Variants in CAMKK1 observed in about 807,000 individuals in gnomAD.
The protein encoded by CAMKK1 is calcium/calmodulin dependent protein kinase kinase 1.
Under a neutral mutation model 63.5 loss-of-function variants are expected in CAMKK1, and 20 were observed. The ratio of observed to expected loss-of-function variants is 0.32; its 90% CI spans 0.22 to 0.46. CAMKK1 has a LOEUF of 0.46. Ranked by LOEUF, CAMKK1 falls within the 20% of genes least tolerant of loss-of-function variation. The pLI is 1.00. For synonymous variants in CAMKK1, 253 were observed against 269.0 expected (o/e 0.94, Z 0.58); for missense variants, 588 against 658.1 (o/e 0.89, Z 1.17).
chr17:3,887,642 A>T lies in CAMKK1; in HGVS notation c.-43-1912T>A, dbSNP rs982039431. ...TGGCACAGGGAGGCCTCCCTGGAGGAGGTGAGAGAGGACAGAGAGTGGGGC... is the reference window on the plus strand; with the variant it reads ...TGGCACAGGGAGGCCTCCCTGGAGGTGGTGAGAGAGGACAGAGAGTGGGGC... On this transcript the variant is annotated intron_variant, in intron 1 of 15. Transcript: ENST00000348335. The surrounding 1 kb of genome is among the most constrained non-coding windows in gnomAD (Gnocchi z 6.1). Among the ~76,000 whole-genome samples the T allele has an allele frequency of 2.7e-5, 4 of 150,750 alleles. No individual in the cohort carries two copies. Among genetic ancestry groups the T allele is most frequent in the Middle Eastern group, 3.2e-3 (1 of 314 alleles).
intron 9 of CAMKK1, among the ~76,000 whole-genome samples, chr17:3,878,470 G>A (rs9914305): frequency 0.35 from 53,066 of 152,134 alleles, 10,793 homozygotes; most frequent in South Asian, 0.62. Context: ...ACTACAACAG[G>A]AAGGAGGTGG....
intron 14 of CAMKK1, among the ~76,000 whole-genome samples, chr17:3,867,619 C>T (rs1367370329): frequency 6.6e-6 from 1 of 152,040 alleles, no homozygotes; most frequent in Admixed American, 6.5e-5. Flanking sequence ...ATGGGGACCC[C>T]GTGGGAGTTG....
intron 14 of CAMKK1, among the ~76,000 whole-genome samples, chr17:3,867,263 C>A (rs2054566501): frequency 6.6e-6 from 1 of 152,132 alleles, no homozygotes; most frequent in South Asian, 2.1e-4. Flanking sequence ...GGGTGGGACT[C>A]CCCGGGCAGA....
Position 3,873,451 on chromosome 17 carries a change from T to A in CAMKK1, c.1008A>T (p.Val336=). ...AGTACAACGTGACGCCAGTGGCCCATACATCCAAGGCCTGGAAAGAAACAT... is the reference window on the plus strand; with the variant it reads ...AGTACAACGTGACGCCAGTGGCCCAAACATCCAAGGCCTGGAAAGAAACAT... ...GQSFSGKALD[V]WATGVTLYCF... The change falls in exon 11 of 16, where the codon GTA becomes GTT. Residue 336 remains valine (V), a synonymous_variant. Transcript: ENST00000348335. 1 of 1,614,046 alleles carries A rather than the reference T, an allele frequency of 6.2e-7. No homozygotes were observed. Among genetic ancestry groups the A allele is most frequent in the South Asian group, 1.1e-5 (1 of 91,078 alleles).
At chr17:3,871,652 G>A (rs1322773641) in intron 12 of CAMKK1, among the ~76,000 whole-genome samples, 12 of 146,986 alleles carry the variant, frequency 8.2e-5, no homozygotes, top group East Asian at 4.0e-4. Context: ...CGCCGCACCC[G>A]GCCTTATTCA....
intron 10 of CAMKK1, 95 bp from the exon 11 acceptor site, chr17:3,873,557 T>C (rs2143829965): frequency 8.4e-7 from 1 of 1,196,966 alleles, no homozygotes; most frequent in Non-Finnish European, 1.2e-6. Context: ...GCAGGGAACC[T>C]CTTTCCTCTG....
intron 2 of CAMKK1, among the ~76,000 whole-genome samples, chr17:3,885,078 A>C (rs1358032211): frequency 6.6e-6 from 1 of 152,116 alleles, no homozygotes; most frequent in Non-Finnish European, 1.5e-5. Context: ...TACATAGGGG[A>C]CCAGGGAGAG....
intron 14 of CAMKK1, among the ~76,000 whole-genome samples, chr17:3,868,147 GCGCCGTCT>G (rs2054633797): frequency 4.2e-4 from 10 of 23,654 alleles, no homozygotes; most frequent in Admixed American, 6.5e-4. Flanking sequence ...GGAGAAGCAG[GCGCCGTCT>G]AACTGATACG....
rs147240137 is a variant in CAMKK1, at chr17:3,869,831, G to C, written c.1182C>G (p.Pro394=). The C allele has an allele frequency of 5.5e-5, 89 of 1,614,194 alleles. 2 individuals carry two copies. The African/African-American group carries it at 7.1e-4, about 13-fold the overall frequency. The change falls in exon 13 of 16, where the codon CCC becomes CCG. Residue 394 remains proline, a synonymous_variant. Coordinates refer to ENST00000348335, the MANE Select transcript of CAMKK1 (RefSeq NM_032294.3). ...TGTCTGGCACCCCAATTCTCGTCTC[G>C]GGATTCTTGTCTAACATCTTCAGGA... The part of the protein sequence containing the change: ...DLILKMLDKN[P]ETRIGVPDIK...
intron 9 of CAMKK1, among the ~76,000 whole-genome samples, chr17:3,877,195 A>C (rs775485816): frequency 8.5e-5 from 13 of 152,160 alleles, no homozygotes; most frequent in Admixed American, 2.0e-4. Context: ...TGGGACTGAG[A>C]GTAAGATTGT....
chr17:3,860,734 A>C lies in CAMKK1; in HGVS notation c.*1477T>G, dbSNP rs941067934. 2.6e-5 allele frequency: 4 copies of C among 152,270 alleles called. No homozygotes were observed. Among genetic ancestry groups the C allele is most frequent in the African/African-American group, 9.6e-5 (4 of 41,464 alleles). The allele number at this position is 152,270 out of a possible 1,614,324, so 9.4% of individuals were successfully genotyped here. A position where few individuals can be genotyped will look rare whatever the true frequency, so the allele number is the denominator to read the frequency against. On this transcript the variant is annotated 3_prime_UTR_variant, in exon 16 of 16. Coordinates refer to ENST00000348335, the MANE Select transcript of CAMKK1 (RefSeq NM_032294.3). ...GGCTCCTAGCCTTAAATAGACGTAG[A>C]AACTGTATTACAGATGCATGTACCA...
chr17:3,878,585 C>T (rs2055271021), intron 9 of CAMKK1, among the ~76,000 whole-genome samples: 1 of 152,130 alleles, frequency 6.6e-6, no homozygotes, highest in South Asian at 2.1e-4. Flanking sequence ...TCTGCAAAGC[C>T]CTCCCCTCTG....
At chr17:3,880,279 G>T in intron 9 of CAMKK1, 67 bp downstream of exon 9, 3 of 1,369,420 alleles carry the variant, frequency 2.2e-6, no homozygotes, top group Non-Finnish European at 3.1e-6. Context: ...AGTCTGCTCA[G>T]CCTGGGCTCT....
intron 11 of CAMKK1, 25 bp downstream of exon 11, chr17:3,873,384 C>A: frequency 6.2e-7 from 1 of 1,612,436 alleles, no homozygotes; most frequent in Non-Finnish European, 8.5e-7. Flanking sequence ...CCCGCCCCAG[C>A]TCTGCTGGCA....
At chr17:3,879,000 G>T in intron 9 of CAMKK1, 1 of 152,184 alleles carries the variant, frequency 6.6e-6, no homozygotes, top group Non-Finnish European at 1.5e-5. Flanking sequence ...TTGTAGTAGA[G>T]ACAGGCTTTT....
chr17:3,884,538 C>G lies in CAMKK1; in HGVS notation c.361-111G>C. Reference sequence around the variant, plus strand: ...GGCCATAAGCTCCTCATTCCCGGACCCCCAGGTCTCACCAAGCTTTTGAGT... The same window carrying G: ...GGCCATAAGCTCCTCATTCCCGGACGCCCAGGTCTCACCAAGCTTTTGAGT... On this transcript the variant is annotated intron_variant, in intron 2 of 15. Transcript: ENST00000348335. The surrounding 1 kb of genome is among the most constrained non-coding windows in gnomAD (Gnocchi z 4.5). The G allele has an allele frequency of 7.2e-6, 7 of 965,636 alleles. No individual in the cohort carries two copies. The highest frequency in any genetic ancestry group is 9.2e-6 in the Non-Finnish European group (6 of 651,664). The allele number at this position is 965,636 out of a possible 1,614,324, so 59.8% of individuals were successfully genotyped here.
intron 1 of CAMKK1, among the ~76,000 whole-genome samples, chr17:3,891,725 G>A (rs1341747857): frequency 6.6e-6 from 1 of 152,182 alleles, no homozygotes; most frequent in African/African-American, 2.4e-5. Context: ...TCTCTTCTGA[G>A]CACTGAGCAG....
At position 3,865,913 on chromosome 17, in the gene CAMKK1, T is replaced by C. The variant is rs2054501099; in HGVS notation, c.1440A>G (p.Leu480=). 1 of 1,613,902 alleles carries C rather than the reference T, an allele frequency of 6.2e-7. No homozygotes were observed. The highest frequency in any genetic ancestry group is 1.3e-5 in the African/African-American group (1 of 74,874). ...CCTGGCCCACCAGTACTTACACCAG[T>C]AGGTTTCCTGGAGCAGACATGGATC... ...EERSMSAPGN[L]LVKEGFGEGG... The change falls in exon 15 of 16, where the codon CTA becomes CTG. Residue 480 remains leucine (L), a synonymous_variant. Transcript: ENST00000348335.
At chr17:3,881,996 A>T (rs995213080) in intron 7 of CAMKK1, 5 of 523,356 alleles carry the variant, frequency 9.6e-6, no homozygotes, top group Non-Finnish European at 1.3e-5. Context: ...CTCAGCCTCT[A>T]ATTCCTAAGC....
Sources: gnomAD v4.1 joint callset for allele counts (sites outside exome capture counted in the v4.1 genomes callset) on GRCh38, gnomAD v4.1.1 for gene constraint, Gnocchi (gnomAD v3.1) non-coding constraint, MANE v1.5 for transcripts, NCBI Gene and HGNC (gene_info 2026-07-23, HGNC 2026-07-21) for gene names.